The following AGPS variants were observed in gnomAD, a reference collection of about 807,000 sequenced individuals.
AGPS encodes the protein alkylglycerone phosphate synthase.
In AGPS, 26 loss-of-function variants were observed where a neutral mutation model predicts 90.7. The observed-to-expected ratio is 0.29, with a 90% CI of 0.21 to 0.40. The LOEUF (loss-of-function observed/expected upper bound fraction) is 0.40, where lower values mean the gene tolerates loss of function less well. AGPS is among the 10% of genes least tolerant of loss of function. The pLI is 1.00. For missense variants in AGPS, 540 were observed against 816.1 expected, an observed-to-expected ratio of 0.66 and a Z score of 4.12; for synonymous variants, 294 against 285.3, an observed-to-expected ratio of 1.03 and a Z score of -0.31.
At chr2:177,529,649 T>C (rs1489531611) in intron 19 of AGPS, among the ~76,000 whole-genome samples, 1 of 152,136 alleles carries the variant, frequency 6.6e-6, no homozygotes, top group African/African-American at 2.4e-5. Flanking sequence ...ACTGGAGAAG[T>C]AGGGTAAAAT....
chr2:177,472,149 C>T (rs373005020), intron 10 of AGPS, among the ~76,000 whole-genome samples: 2 of 150,994 alleles, frequency 1.3e-5, no homozygotes, highest in Admixed American at 6.6e-5. Flanking sequence ...TTTTCATCCT[C>T]AGGGACATTG....
intron 12 of AGPS, among the ~76,000 whole-genome samples, chr2:177,493,673 G>C (rs80277326): frequency 0.035 from 5,352 of 152,246 alleles, 207 homozygotes; most frequent in African/African-American, 0.097. Flanking sequence ...AGATAAAGTT[G>C]GTTGGGTGGG....
intron 11 of AGPS, among the ~76,000 whole-genome samples, chr2:177,491,271 A>T (rs1688250751): frequency 6.8e-6 from 1 of 146,348 alleles, no homozygotes; most frequent in Non-Finnish European, 1.5e-5. Flanking sequence ...ATCAGTAGGA[A>T]TTTTTTTTTT....
At chr2:177,516,400 A>G (rs1689024403) in intron 17 of AGPS, among the ~76,000 whole-genome samples, 2 of 152,166 alleles carry the variant, frequency 1.3e-5, no homozygotes, top group African/African-American at 4.8e-5. Context: ...TTTTTTAATT[A>G]AAGAATAATG....
intron 1 of AGPS, chr2:177,393,577 A>C: frequency 1.0e-6 from 1 of 985,248 alleles, no homozygotes; most frequent in African/African-American, 1.7e-5. Context: ...ATTGACTTTG[A>C]GGGAGGAAAC....
At chr2:177,395,023 T>C (rs977328695) in intron 1 of AGPS, among the ~76,000 whole-genome samples, 1 of 152,062 alleles carries the variant, frequency 6.6e-6, no homozygotes, top group African/African-American at 2.4e-5. Flanking sequence ...AGGGGAGGAA[T>C]AAAGGATTTC....
At chr2:177,430,206 A>C (rs985759607) in intron 2 of AGPS, among the ~76,000 whole-genome samples, 6 of 152,192 alleles carry the variant, frequency 3.9e-5, no homozygotes, top group African/African-American at 1.4e-4. Flanking sequence ...TCCTTCAGGG[A>C]ACTCATCCAT....
At chr2:177,473,636 A>C (rs1231394520) in intron 10 of AGPS, among the ~76,000 whole-genome samples, 1 of 152,254 alleles carries the variant, frequency 6.6e-6, no homozygotes, top group African/African-American at 2.4e-5. Context: ...TGTTGACATA[A>C]TATTCCCAGA....
chr2:177,423,651 G>A (rs1001699627), intron 2 of AGPS, among the ~76,000 whole-genome samples: 14 of 152,198 alleles, frequency 9.2e-5, no homozygotes, highest in African/African-American at 3.1e-4. Context: ...CGGAAATGTA[G>A]TTGATTGTCT....
chr2:177,394,819 A>G (rs1685123802), intron 1 of AGPS, among the ~76,000 whole-genome samples: 1 of 152,204 alleles, frequency 6.6e-6, no homozygotes, highest in African/African-American at 2.4e-5. Flanking sequence ...GTTTAGTGCA[A>G]TGCCTGTTAC....
chr2:177,464,939 A>G (rs758147221), intron 9 of AGPS, among the ~76,000 whole-genome samples: 1 of 152,220 alleles, frequency 6.6e-6, no homozygotes, highest in Non-Finnish European at 1.5e-5. Flanking sequence ...TTAAAATTAT[A>G]ATTGGAATAG....
intron 1 of AGPS, among the ~76,000 whole-genome samples, chr2:177,408,137 C>G (rs1282298605): frequency 1.3e-5 from 2 of 152,072 alleles, no homozygotes; most frequent in Non-Finnish European, 1.5e-5. Context: ...AGGTAAGAAC[C>G]CAAAAAGTGT....
At chr2:177,509,653 G>T (rs112246420) in intron 16 of AGPS, among the ~76,000 whole-genome samples, 1 of 131,514 alleles carries the variant, frequency 7.6e-6, no homozygotes, top group Non-Finnish European at 1.6e-5. Flanking sequence ...GCGACACAGC[G>T]AGACTCCATC....
At chr2:177,509,857 G>A (rs1296376580) in intron 16 of AGPS, among the ~76,000 whole-genome samples, 8 of 152,072 alleles carry the variant, frequency 5.3e-5, no homozygotes, top group African/African-American at 1.9e-4. Context: ...AACCAGTAAG[G>A]CAGACATTTT....
intron 17 of AGPS, among the ~76,000 whole-genome samples, chr2:177,514,370 G>A (rs1318982279): frequency 1.3e-5 from 2 of 152,224 alleles, no homozygotes; most frequent in Admixed American, 6.5e-5. Context: ...TGGGACTGTT[G>A]TAAAAATGAA....
Position 177,513,853 on chromosome 2 carries a change from A to G in AGPS, c.1642A>G (p.Ile548Val). 6.2e-7 allele frequency: 1 copy of G among 1,613,690 alleles called. No homozygotes were observed. Among genetic ancestry groups the G allele is most frequent in the Non-Finnish European group, 8.5e-7 (1 of 1,179,684 alleles). Reference protein sequence around the residue: ...VDLCRNVKERITRECKEKGVQ... With the variant: ...VDLCRNVKERVTRECKEKGVQ... Reference sequence around the variant, plus strand: ...TCTCTGTAGAAATGTAAAAGAAAGAATAACAAGGGAATGCAAAGAGAAGGG... The same window carrying G: ...TCTCTGTAGAAATGTAAAAGAAAGAGTAACAAGGGAATGCAAAGAGAAGGG... The change falls in exon 17 of 20, where the codon ATA (isoleucine) becomes GTA (valine). Residue 548 changes from isoleucine to valine, a missense_variant. Ile to Val is a conservative substitution (Grantham distance 29). Coordinates refer to ENST00000264167, the MANE Select transcript of AGPS (RefSeq NM_003659.4).
intron 19 of AGPS, among the ~76,000 whole-genome samples, chr2:177,537,282 C>G (rs1292066744): frequency 1.3e-5 from 2 of 151,996 alleles, no homozygotes; most frequent in African/African-American, 4.8e-5. Flanking sequence ...TCATTGAGTA[C>G]CTTTTGAAAT....
intron 8 of AGPS, among the ~76,000 whole-genome samples, chr2:177,452,225 CTT>C (rs1559052367): frequency 1.3e-5 from 2 of 152,074 alleles, no homozygotes; most frequent in African/African-American, 4.8e-5. Context: ...ATTCAGGTCT[CTT>C]ATATTTTTTA....
At chr2:177,436,368 T>C (rs71421599) in intron 3 of AGPS, among the ~76,000 whole-genome samples, 1 of 152,004 alleles carries the variant, frequency 6.6e-6, no homozygotes, top group Non-Finnish European at 1.5e-5. Flanking sequence ...GCCAGGATGG[T>C]CTCAATCTCC....
Sources: allele counts gnomAD v4.1 joint callset (sites outside exome capture counted in the v4.1 genomes callset), GRCh38; gene constraint gnomAD v4.1.1; transcripts MANE v1.5; gene names NCBI Gene and HGNC (gene_info 2026-07-23, HGNC 2026-07-21).